Variants in RADIL observed in about 807,000 individuals in gnomAD.
RADIL encodes ras-associating and dilute domain-containing protein.
RADIL carries 99 observed loss-of-function variants against 97.6 expected under a neutral mutation model. The observed-to-expected ratio is 1.01, with a 90% CI of 0.86 to 1.20. The LOEUF is 1.20. RADIL is among the 50% of genes most tolerant of loss of function. The pLI is 0.00. For synonymous variants in RADIL, 803 were observed against 691.8 expected (o/e 1.16, Z -2.52); for missense variants, 1,765 against 1,498.9 (o/e 1.18, Z -2.93).
intron 1 of RADIL, among the ~76,000 whole-genome samples, chr7:4,881,676 G>A (rs182093501): frequency 2.6e-4 from 36 of 135,884 alleles, no homozygotes; most frequent in African/African-American, 8.0e-4. Flanking sequence ...GCAGCAAGCC[G>A]AGATCACGCC....
intron 2 of RADIL, among the ~76,000 whole-genome samples, chr7:4,838,476 C>T (rs145727437): frequency 0.015 from 2,266 of 152,242 alleles, 32 homozygotes; most frequent in Middle Eastern, 0.027. Context: ...AAATGCGGCA[C>T]GGGATGTCCC....
At chr7:4,876,365 A>T (rs1458541528) in intron 2 of RADIL, among the ~76,000 whole-genome samples, 1 of 151,708 alleles carries the variant, frequency 6.6e-6, no homozygotes, top group East Asian at 1.9e-4. Context: ...CAATGGCATG[A>T]TCTCGGCTCA....
At chr7:4,861,473 G>C in intron 2 of RADIL, 1 of 1,614,042 alleles carries the variant, frequency 6.2e-7, no homozygotes, top group Non-Finnish European at 8.5e-7. Context: ...GTCAATATCT[G>C]CGCCTTTCGT....
rs919822309 is a variant in RADIL at position 4,818,942 on chromosome 7, G to T, written c.1616-1591C>A. Among the ~76,000 whole-genome samples the T allele has an allele frequency of 6.6e-6, 1 of 151,994 alleles. No individual in the cohort carries two copies. Among genetic ancestry groups the T allele is most frequent in the Non-Finnish European group, 1.5e-5 (1 of 67,998 alleles). Reference sequence around the variant, plus strand: ...CTTTTATTTAATTTTTGGTAGAGATGGGATCTCACTATGTTGCCCAGGCTG... The same window carrying T: ...CTTTTATTTAATTTTTGGTAGAGATTGGATCTCACTATGTTGCCCAGGCTG... On this transcript the variant is annotated intron_variant, in intron 6 of 14. Coordinates refer to ENST00000399583, the MANE Select transcript of RADIL (RefSeq NM_018059.5). This position sits in a 1 kb window ranked among gnomAD's most constrained non-coding sequence, Gnocchi z 7.1.
intron 2 of RADIL, among the ~76,000 whole-genome samples, chr7:4,848,734 T>C (rs1369733283): frequency 6.6e-6 from 1 of 152,170 alleles, no homozygotes; most frequent in African/African-American, 2.4e-5. Flanking sequence ...ATTGGAAATT[T>C]GGAGAGGCGG....
intron 2 of RADIL, among the ~76,000 whole-genome samples, chr7:4,870,489 T>G (rs10256295): frequency 0.024 from 3,590 of 152,342 alleles, 153 homozygotes; most frequent in African/African-American, 0.08. Context: ...TTGCCCAGGC[T>G]GGAGTGCAGT....
At chr7:4,861,828 G>T in intron 2 of RADIL, 1 of 1,274,082 alleles carries the variant, frequency 7.8e-7, no homozygotes, top group Non-Finnish European at 9.9e-7. Context: ...CGCCCGCCCC[G>T]CCAGGGCACG....
In RADIL at chr7:4,804,142, G is replaced by A. The variant is rs139558662; in HGVS notation, c.2291-388C>T. On this transcript the variant is annotated intron_variant, in intron 10 of 14. Transcript: ENST00000399583. The stretch of plus-strand genomic sequence containing the variant: ...GCAAGCTCCTCCCAGGGCTGGAGCC[G>A]ACTGCCTCCCTGCAGGAATCACGGG... The A allele has an allele frequency of 7.4e-4, 228 of 308,756 alleles. 3 individuals are homozygous for A. The East Asian group carries it at 0.013, about 18-fold the overall frequency. The allele number at this position is 308,756 out of a possible 1,614,324, so 19.1% of individuals were successfully genotyped here.
intron 1 of RADIL, chr7:4,882,301 G>C (rs1166167388): frequency 1.3e-5 from 2 of 152,266 alleles, no homozygotes; most frequent in African/African-American, 2.4e-5. Context: ...ATCCGACCGG[G>C]CGGAGCACGC....
chr7:4,870,297 A>T (rs1392050363), intron 2 of RADIL, among the ~76,000 whole-genome samples: 1 of 152,228 alleles, frequency 6.6e-6, no homozygotes, highest in African/African-American at 2.4e-5. Context: ...TCAAAACAAA[A>T]GAACGATACA....
In RADIL at chr7:4,803,539, C is replaced by G; in HGVS notation, c.2499+7G>C. On this transcript the variant is annotated splice_region_variant and intron_variant, in intron 11 of 14. Transcript: ENST00000399583. Reference sequence around the variant, plus strand: ...CACGCTGGCTGGGGGGCCCCCTCCCCGGGTACCTCGGGGCACACTGGCTGG... The same window carrying G: ...CACGCTGGCTGGGGGGCCCCCTCCCGGGGTACCTCGGGGCACACTGGCTGG... 6.5e-7 allele frequency: 1 copy of G among 1,532,042 alleles called. No individual in the cohort carries two copies. Among genetic ancestry groups the G allele is most frequent in the Non-Finnish European group, 8.8e-7 (1 of 1,134,930 alleles). 94.9% of individuals were successfully genotyped at this position (1,532,042 alleles called of 1,614,324 possible). A position where few individuals can be genotyped will look rare whatever the true frequency, so the allele number is the denominator to read the frequency against.
intron 5 of RADIL, among the ~76,000 whole-genome samples, chr7:4,827,651 T>A (rs1030618478): frequency 1.2e-4 from 18 of 151,118 alleles, no homozygotes; most frequent in South Asian, 2.1e-4. Flanking sequence ...ACAGGGCGAG[T>A]CTCCATCGCA....
intron 2 of RADIL, chr7:4,861,851 G>C (rs1784015203): frequency 7.4e-7 from 1 of 1,352,480 alleles, no homozygotes; most frequent in Non-Finnish European, 9.7e-7. Context: ...CCCCACCACC[G>C]CGACCTTCGC....
In RADIL at chr7:4,803,725, G is replaced by C; in HGVS notation, c.2320C>G (p.Pro774Ala). Residue 774 changes from proline to alanine, a missense_variant, in exon 11 of 15, where the codon CCA becomes GCA. By Grantham distance (27) the Pro-to-Ala change is conservative. Coordinates refer to ENST00000399583, the MANE Select transcript of RADIL (RefSeq NM_018059.5). ...EDVLESYENP[P>A]PIVLPSDGFQ... ...CCGTCGCTGGGCAGGACGATGGGTG[G>C]GGGGTTTTCGTAGGACTCCAGAACA... 1.3e-6 allele frequency: 2 copies of C among 1,566,950 alleles called. No homozygotes were observed. Among genetic ancestry groups the C allele is most frequent in the Non-Finnish European group, 1.7e-6 (2 of 1,156,574 alleles).
intron 2 of RADIL, chr7:4,860,226 C>A (rs1388970702): frequency 6.2e-7 from 1 of 1,613,884 alleles, no homozygotes; most frequent in Non-Finnish European, 8.5e-7. Flanking sequence ...TTTTCACAGC[C>A]TGCAGACAAG....
At chr7:4,807,249 A>C (rs1782341346) in intron 9 of RADIL, among the ~76,000 whole-genome samples, 1 of 151,994 alleles carries the variant, frequency 6.6e-6, no homozygotes, top group Admixed American at 6.5e-5. Context: ...GGCGTCGTGC[A>C]GGAGGGGTGA....
At chr7:4,861,855 C>A in intron 2 of RADIL, 1 of 1,310,806 alleles carries the variant, frequency 7.6e-7, no homozygotes, top group Admixed American at 3.4e-5. Context: ...ACCACCGCGA[C>A]CTTCGCGGCC....
At position 4,817,384 on chromosome 7, in the gene RADIL, C is replaced by T. The variant is rs376524905; in HGVS notation, c.1616-33G>A. 6.4e-5 allele frequency: 102 copies of T among 1,584,158 alleles called. 1 individual carries two copies. In the South Asian group the frequency reaches 8.5e-4, roughly 13 times the overall value. ...GAGACAGCCACGCCAATGGTCACAA[C>T]GGGCACAGCGCTCAGGAACGCAGCA... On this transcript the variant is annotated intron_variant, in intron 6 of 14. Coordinates refer to ENST00000399583, the MANE Select transcript of RADIL (RefSeq NM_018059.5). The surrounding 1 kb of genome is among the most constrained non-coding windows in gnomAD (Gnocchi z 8.3).
intron 2 of RADIL, among the ~76,000 whole-genome samples, chr7:4,865,106 T>C (rs1307873266): frequency 2.0e-5 from 3 of 152,220 alleles, no homozygotes; most frequent in Non-Finnish European, 4.4e-5. Flanking sequence ...ATGCTCTTCC[T>C]GCCCCACCGA....
Sources: gnomAD v4.1 joint callset for allele counts (sites outside exome capture counted in the v4.1 genomes callset) on GRCh38, gnomAD v4.1.1 for gene constraint, Gnocchi (gnomAD v3.1) non-coding constraint, MANE v1.5 for transcripts, NCBI Gene and HGNC (gene_info 2026-07-23, HGNC 2026-07-21) for gene names.